RBM27: variants seen among roughly 807,000 people sequenced by gnomAD.
The protein encoded by RBM27 is RNA-binding protein 27.
A neutral mutation model predicts 135.3 loss-of-function variants in RBM27; 22 were observed. That is an observed-to-expected ratio of 0.16 (90% CI 0.12 to 0.23). RBM27 has a LOEUF of 0.23. Among genes scored for constraint, RBM27 ranks in the 10% least tolerant of loss-of-function variants. The pLI is 1.00. For synonymous variants in RBM27, 481 were observed against 442.4 expected (o/e 1.09, Z -1.10); for missense variants, 1,009 against 1,281.0 (o/e 0.79, Z 3.24).
chr5:146,238,303 G>A (rs1052020594), intron 8 of RBM27, among the ~76,000 whole-genome samples: 4 of 152,128 alleles, frequency 2.6e-5, no homozygotes, highest in Non-Finnish European at 5.9e-5. Flanking sequence ...GAGGTCGGGA[G>A]TTCGAGACCA....
At chr5:146,206,812 A>T (rs1235736551) in intron 1 of RBM27, among the ~76,000 whole-genome samples, 1 of 151,908 alleles carries the variant, frequency 6.6e-6, no homozygotes, top group East Asian at 1.9e-4. Context: ...CCAGTTCTTG[A>T]CCTCAGGTGA....
intron 8 of RBM27, among the ~76,000 whole-genome samples, chr5:146,240,681 ATATACT>A (rs1310326181): frequency 3.3e-5 from 5 of 152,158 alleles, no homozygotes; most frequent in Admixed American, 2.0e-4. Flanking sequence ...ACATAATGAC[ATATACT>A]TATATATAGG....
intron 19 of RBM27, among the ~76,000 whole-genome samples, chr5:146,276,478 T>G (rs1401228670): frequency 6.6e-6 from 1 of 152,194 alleles, no homozygotes; most frequent in Non-Finnish European, 1.5e-5. Flanking sequence ...TTCCTGGAAC[T>G]TCATATGAGG....
rs1049063850 is a variant in RBM27, at chr5:146,229,041, T to C, written c.395+4T>C. The C allele has an allele frequency of 6.2e-7, 1 of 1,610,624 alleles. No homozygotes were observed. Among genetic ancestry groups the C allele is most frequent in the African/African-American group, 1.3e-5 (1 of 74,788 alleles). ...GTTCAGAATCTAGTGAACGAAGGTTTGTGTTTATCTTTAATTAGGAAGACA... is the reference window on the plus strand; with the variant it reads ...GTTCAGAATCTAGTGAACGAAGGTTCGTGTTTATCTTTAATTAGGAAGACA... On this transcript the variant is annotated splice_donor_region_variant and intron_variant, in intron 4 of 20. Coordinates refer to ENST00000265271, the MANE Select transcript of RBM27 (RefSeq NM_018989.2).
intron 2 of RBM27, among the ~76,000 whole-genome samples, chr5:146,219,621 C>T (rs1403719870): frequency 6.6e-6 from 1 of 152,120 alleles, no homozygotes; most frequent in Non-Finnish European, 1.5e-5. Context: ...CCTATCATTG[C>T]CCCTCACTTG....
At chr5:146,222,585 G>A (rs10058583) in intron 2 of RBM27, among the ~76,000 whole-genome samples, 4 of 152,198 alleles carry the variant, frequency 2.6e-5, no homozygotes, top group African/African-American at 9.7e-5. Flanking sequence ...TCAGGAGGCC[G>A]AGGCAGGAGA....
chr5:146,259,077 A>C (rs78039225), intron 11 of RBM27, among the ~76,000 whole-genome samples: 10,074 of 152,146 alleles, frequency 0.066, 436 homozygotes, highest in East Asian at 0.24. Context: ...AGGTATTTCT[A>C]ATTCGTACCT....
chr5:146,249,079 T>C (rs1757765655), intron 8 of RBM27, among the ~76,000 whole-genome samples: 1 of 152,082 alleles, frequency 6.6e-6, no homozygotes, highest in African/African-American at 2.4e-5. Flanking sequence ...ACCTTCTGGC[T>C]CAAGTGATCC....
intron 19 of RBM27, among the ~76,000 whole-genome samples, chr5:146,278,159 CCAGT>C (rs1375394682): frequency 2.6e-5 from 4 of 152,062 alleles, no homozygotes; most frequent in African/African-American, 9.7e-5. Flanking sequence ...TTTTTATCTG[CCAGT>C]CAGTTGATTG....
rs1749942846 is a variant in RBM27, at chr5:146,229,907, G to A, written c.586G>A (p.Val196Ile). 6.2e-7 allele frequency: 1 copy of A among 1,613,862 alleles called. No homozygotes were observed. Among genetic ancestry groups the A allele is most frequent in the African/African-American group, 1.3e-5 (1 of 75,032 alleles). Residue 196 changes from valine to isoleucine, a missense_variant, in exon 5 of 21, where the codon GTT becomes ATT. Physicochemically the swap from Val to Ile is conservative, Grantham distance 29. Coordinates refer to ENST00000265271, the MANE Select transcript of RBM27 (RefSeq NM_018989.2). The part of the protein sequence containing the change: ...RSKDRDPNRN[V>I]EHRERSKFKS... The stretch of plus-strand genomic sequence containing the variant: ...CAAAGACCGGGATCCAAATAGGAAT[G>A]TTGGTGAGTAGATGAGTGTCCCCCT...
chr5:146,216,617 C>T (rs60892265), intron 1 of RBM27, among the ~76,000 whole-genome samples: 21,820 of 152,050 alleles, frequency 0.14, 2,790 homozygotes, highest in African/African-American at 0.34. Context: ...CATAATTCTC[C>T]AAAATGTAAC....
chr5:146,219,966 A>C (rs1392252335), intron 2 of RBM27, among the ~76,000 whole-genome samples: 2 of 151,842 alleles, frequency 1.3e-5, no homozygotes, highest in Admixed American at 6.6e-5. Context: ...TTCTTGCCTC[A>C]AGCAACTGCC....
chr5:146,240,210 T>G (rs1757344921), intron 8 of RBM27, among the ~76,000 whole-genome samples: 1 of 151,708 alleles, frequency 6.6e-6, no homozygotes, highest in Non-Finnish European at 1.5e-5. Context: ...CCCCCCAATC[T>G]TCTTTCCTAC....
At chr5:146,217,464 GTTTTTTTTT>G (rs545963169) in intron 1 of RBM27, among the ~76,000 whole-genome samples, 2 of 70,746 alleles carry the variant, frequency 2.8e-5, no homozygotes, top group African/African-American at 6.1e-5. Context: ...GCTGAAGCCT[GTTTTTTTTT>G]TTTTTTTTTT....
At position 146,271,577 on chromosome 5, in the gene RBM27, G is replaced by T. The variant is rs746799937; in HGVS notation, c.2891G>T (p.Gly964Val). 1.1e-5 allele frequency: 17 copies of T among 1,613,516 alleles called. No individual in the cohort carries two copies. In the East Asian group the frequency reaches 2.9e-4, roughly 27 times the overall value. ...RGRGRGGRGR[G>V]SLNHMVVDHR... ...CGAGGGCGTGGAGGAAGAGGAAGGG[G>T]CTCACTAAATCACATGGTGGTGGAC... is the stretch of plus-strand genomic sequence containing the variant. Residue 964 changes from glycine to valine, a missense_variant, in exon 19 of 21, where the codon GGC becomes GTC. Physicochemically the swap from Gly to Val is moderately radical, Grantham distance 109 (BLOSUM62 -3). Around this residue, in one of 6 missense-constraint regions of RBM27, gnomAD observed 355 missense variants for 427.3 expected, o/e 0.83. Coordinates refer to ENST00000265271, the MANE Select transcript of RBM27 (RefSeq NM_018989.2).
chr5:146,245,782 G>T (rs777950517), intron 8 of RBM27, among the ~76,000 whole-genome samples: 2 of 152,020 alleles, frequency 1.3e-5, no homozygotes, highest in Non-Finnish European at 2.9e-5. Flanking sequence ...TCTGAGTTGC[G>T]CATTCTTTAT....
intron 19 of RBM27, among the ~76,000 whole-genome samples, chr5:146,276,481 A>G (rs1009613453): frequency 2.0e-5 from 3 of 152,210 alleles, no homozygotes; most frequent in African/African-American, 7.2e-5. Context: ...CTGGAACTTC[A>G]TATGAGGCAA....
At chr5:146,235,788 A>C (rs1028141209) in intron 7 of RBM27, among the ~76,000 whole-genome samples, 2 of 151,996 alleles carry the variant, frequency 1.3e-5, no homozygotes, top group Non-Finnish European at 2.9e-5. Flanking sequence ...CCAGGCTTGA[A>C]GGGATCCTCC....
At chr5:146,269,682 C>A (rs1239607748) in intron 17 of RBM27, 98 bp downstream of exon 17, 12 of 705,546 alleles carry the variant, frequency 1.7e-5, no homozygotes, top group Non-Finnish European at 2.0e-5. Flanking sequence ...TAGCTAATAT[C>A]CTAACAGGGA....
Sources: allele counts gnomAD v4.1 joint callset (sites outside exome capture counted in the v4.1 genomes callset), GRCh38; gene constraint gnomAD v4.1.1; regional missense constraint gnomAD v4.1.1; transcripts MANE v1.5; gene names NCBI Gene and HGNC (gene_info 2026-07-23, HGNC 2026-07-21).